The following CHRM3 variants were observed in gnomAD, a reference collection of about 807,000 sequenced individuals.
The protein encoded by CHRM3 is cholinergic receptor muscarinic 3, also known as muscarinic acetylcholine receptor M3.
A neutral mutation model predicts 41.8 loss-of-function variants in CHRM3; 11 were observed. The observed-to-expected ratio is 0.26, with a 90% CI of 0.17 to 0.44. The LOEUF is 0.44. CHRM3 is among the 20% of genes least tolerant of loss of function. CHRM3 has a pLI of 1.00. For missense variants in CHRM3, 571 were observed against 745.4 expected, an observed-to-expected ratio of 0.77 and a Z score of 2.72; for synonymous variants, 297 against 301.4, an observed-to-expected ratio of 0.99 and a Z score of 0.15.
At chr1:239,392,975 C>G (rs543401676) in intron 1 of CHRM3, among the ~76,000 whole-genome samples, 33 of 152,138 alleles carry the variant, frequency 2.2e-4, no homozygotes, top group Admixed American at 4.6e-4. Context: ...AAACCTAATC[C>G]AGTGGTATTT....
intron 5 of CHRM3, chr1:239,703,410 G>T (rs1288671177): frequency 6.6e-6 from 1 of 152,160 alleles, no homozygotes; most frequent in African/African-American, 2.4e-5. Flanking sequence ...TTGTTTTGAG[G>T]AGAAGCGTGG....
intron 5 of CHRM3, among the ~76,000 whole-genome samples, chr1:239,747,301 T>C (rs12029701): frequency 0.34 from 51,376 of 152,104 alleles, 10,428 homozygotes; most frequent in Middle Eastern, 0.5. Context: ...GAGAGCTGAT[T>C]AGGGAATGGT....
At chr1:239,635,922 C>T (rs1399779322) in intron 4 of CHRM3, among the ~76,000 whole-genome samples, 1 of 152,020 alleles carries the variant, frequency 6.6e-6, no homozygotes, top group Non-Finnish European at 1.5e-5. Context: ...TAGATGTCCC[C>T]AACGTGTCTT....
chr1:239,875,544 G>A (rs1677043815), intron 6 of CHRM3, among the ~76,000 whole-genome samples: 1 of 152,190 alleles, frequency 6.6e-6, no homozygotes, highest in Non-Finnish European at 1.5e-5. Context: ...CTCACAGGCT[G>A]CACAAAATAA....
Position 239,562,325 on chromosome 1 carries a change from A to G in CHRM3, c.-313+16576A>G, listed in dbSNP as rs1660935435. Among the ~76,000 whole-genome samples the G allele has an allele frequency of 2.6e-5, 4 of 152,122 alleles. No individual in the cohort carries two copies. In the South Asian group the frequency reaches 6.2e-4, roughly 24 times the overall value. ...CCCTCATAACAACTTTACAAAATGG[A>G]TAAGAGATATCCCCCTTTTTTCAGA... is the stretch of plus-strand genomic sequence containing the variant. On this transcript the variant is annotated intron_variant, in intron 3 of 6. Coordinates refer to ENST00000676153, the MANE Select transcript of CHRM3 (RefSeq NM_001375978.1).
intron 6 of CHRM3, among the ~76,000 whole-genome samples, chr1:239,901,226 C>T (rs1161210066): frequency 1.3e-5 from 2 of 152,164 alleles, no homozygotes; most frequent in Admixed American, 6.5e-5. Flanking sequence ...TTAAAAGCAA[C>T]AGCAGAGTGT....
intron 6 of CHRM3, among the ~76,000 whole-genome samples, chr1:239,859,420 TTTTTTTTTTTTG>T (rs1558185525): frequency 7.0e-5 from 1 of 14,262 alleles, no homozygotes; most frequent in African/African-American, 1.2e-4. Context: ...GTTGTTGTTG[TTTTTTTTTTTTG>T]TTTTTTTTTT....
intron 4 of CHRM3, among the ~76,000 whole-genome samples, chr1:239,641,784 A>G: frequency 1.0e-5 from 1 of 96,996 alleles, no homozygotes; most frequent in East Asian, 5.0e-4. Flanking sequence ...TAATATTGTT[A>G]TGTGTGAATT....
chr1:239,904,972 T>C (rs996643974), intron 6 of CHRM3, among the ~76,000 whole-genome samples: 1 of 152,242 alleles, frequency 6.6e-6, no homozygotes, highest in Non-Finnish European at 1.5e-5. Flanking sequence ...AGACAGCTCC[T>C]GAGATCATGG....
At chr1:239,572,632 A>G (rs1319657794) in intron 3 of CHRM3, among the ~76,000 whole-genome samples, 1 of 152,166 alleles carries the variant, frequency 6.6e-6, no homozygotes, top group Non-Finnish European at 1.5e-5. Context: ...CTCATTAGGT[A>G]TTTGCCATAT....
chr1:239,846,696 T>A (rs1033298025), intron 6 of CHRM3, among the ~76,000 whole-genome samples: 5 of 152,218 alleles, frequency 3.3e-5, no homozygotes, highest in Admixed American at 3.3e-4. Context: ...ACAATTTTTT[T>A]AAACCTGTGA....
intron 6 of CHRM3, among the ~76,000 whole-genome samples, chr1:239,858,115 A>G (rs940007239): frequency 6.6e-6 from 1 of 152,230 alleles, no homozygotes; most frequent in African/African-American, 2.4e-5. Context: ...TAATTCACTT[A>G]ATGATGCACT....
At chr1:239,833,001 C>T (rs1190536530) in intron 6 of CHRM3, among the ~76,000 whole-genome samples, 1 of 152,092 alleles carries the variant, frequency 6.6e-6, no homozygotes, top group Non-Finnish European at 1.5e-5. Context: ...TTTCCCAGCC[C>T]TCATTCAAGA....
intron 2 of CHRM3, among the ~76,000 whole-genome samples, chr1:239,532,949 C>T (rs980717157): frequency 2.0e-5 from 3 of 152,106 alleles, no homozygotes; most frequent in African/African-American, 7.2e-5. Context: ...AAAATGATCC[C>T]ATAATGAAAA....
intron 1 of CHRM3, among the ~76,000 whole-genome samples, chr1:239,391,405 G>A (rs536601255): frequency 2.1e-4 from 32 of 152,294 alleles, no homozygotes; most frequent in African/African-American, 7.0e-4. Context: ...AGCACTGAGC[G>A]CCAGTATGTA....
chr1:239,605,293 A>G (rs1220615299), intron 3 of CHRM3, among the ~76,000 whole-genome samples: 4 of 152,120 alleles, frequency 2.6e-5, no homozygotes, highest in African/African-American at 9.7e-5. Context: ...TGTATCTTTT[A>G]TATGTTTAGA....
chr1:239,607,933 T>C (rs1354760738), intron 3 of CHRM3, among the ~76,000 whole-genome samples: 1 of 152,182 alleles, frequency 6.6e-6, no homozygotes, highest in East Asian at 1.9e-4. Flanking sequence ...ATTATTTGTT[T>C]GCATTTAGAA....
chr1:239,587,433 G>A (rs967360152), intron 3 of CHRM3, among the ~76,000 whole-genome samples: 2 of 152,118 alleles, frequency 1.3e-5, no homozygotes, highest in African/African-American at 2.4e-5. Flanking sequence ...CTCCCCTCCC[G>A]CTTTGCCTTC....
At chr1:239,862,299 C>T (rs1028226779) in intron 6 of CHRM3, among the ~76,000 whole-genome samples, 1 of 152,154 alleles carries the variant, frequency 6.6e-6, no homozygotes, top group Non-Finnish European at 1.5e-5. Context: ...GGAAAGGAAG[C>T]TATGTCAGAA....
Sources: allele counts gnomAD v4.1 joint callset (sites outside exome capture counted in the v4.1 genomes callset), GRCh38; gene constraint gnomAD v4.1.1; transcripts MANE v1.5; gene names NCBI Gene and HGNC (gene_info 2026-07-23, HGNC 2026-07-21).